The following NHS variants were observed in gnomAD, a reference collection of about 807,000 sequenced individuals.
NHS encodes NHS actin remodeling regulator, also known as actin remodeling regulator NHS.
A neutral mutation model predicts 72.5 loss-of-function variants in NHS; 5 were observed. The observed-to-expected ratio is 0.07, with a 90% CI of 0.04 to 0.14. The LOEUF (loss-of-function observed/expected upper bound fraction) is 0.14. Among genes scored for constraint, NHS ranks in the 10% least tolerant of loss-of-function variants. The probability of loss-of-function intolerance (pLI) is 1.00; values close to 1 mark genes in which losing one functional copy is unlikely to be tolerated. For synonymous variants in NHS, 464 were observed against 547.7 expected, an observed-to-expected ratio of 0.85 and a Z score of 2.13; for missense variants, 1,072 against 1,355.7, an observed-to-expected ratio of 0.79 and a Z score of 3.29.
intron 3 of NHS, among the ~76,000 whole-genome samples, chrX:17,717,763 T>C (rs185111089): frequency 8.9e-6 from 1 of 112,094 alleles, no homozygotes; most frequent in East Asian, 2.8e-4. Flanking sequence ...CACACACTCA[T>C]GAAATTGGCC....
In NHS at chrX:17,521,366, C is replaced by CTTTTTTTTTTTTTTTTTTTTTTTT. The variant is rs766662277; in HGVS notation, c.565+145057_565+145058insTTTTTTTTTTTTTTTTTTTTTTTT. On this transcript the variant is annotated intron_variant, in intron 1 of 8. Coordinates refer to ENST00000676302, the MANE Select transcript of NHS (RefSeq NM_001291867.2). ...AGTTCTACCTTTTTCTCCCTTCCCT[C>CTTTTTTTTTTTTTTTTTTTTTTTT]TTTTTTTTTTTTTGAGACAGGGTCT... is the stretch of plus-strand genomic sequence containing the variant. Among the ~76,000 whole-genome samples the CTTTTTTTTTTTTTTTTTTTTTTTT allele has an allele frequency of 6.4e-4, 62 of 97,332 alleles. 6 individuals are homozygous for CTTTTTTTTTTTTTTTTTTTTTTTT. The highest frequency in any genetic ancestry group is 2.5e-3 in the African/African-American group (58 of 23,145). The allele number at this position is 97,332 out of a possible 115,157, so 84.5% of individuals were successfully genotyped here. A position where few individuals can be genotyped will look rare whatever the true frequency, so the allele number is the denominator to read the frequency against.
intron 1 of NHS, among the ~76,000 whole-genome samples, chrX:17,686,312 G>A (rs1197576139): frequency 9.0e-6 from 1 of 111,588 alleles, no homozygotes; most frequent in African/African-American, 3.3e-5. Context: ...CCCCACACAA[G>A]AATTAAAGAG....
chrX:17,505,873 G>T (rs1002311211), intron 1 of NHS, among the ~76,000 whole-genome samples: 3 of 110,820 alleles, frequency 2.7e-5, no homozygotes, highest in African/African-American at 9.9e-5. Context: ...CTGTAATGGG[G>T]AACTGGGGCC....
chrX:17,564,740 A>G (rs982755568), intron 1 of NHS, among the ~76,000 whole-genome samples: 8 of 112,008 alleles, frequency 7.1e-5, no homozygotes, highest in Admixed American at 3.8e-4. Flanking sequence ...CAGCAATTTC[A>G]TAGATTTAAT....
At chrX:17,635,268 G>C (rs1452783056) in intron 1 of NHS, 1 of 1,029,664 alleles carries the variant, frequency 9.7e-7, no homozygotes, top group Non-Finnish European at 1.2e-6. Flanking sequence ...CTGGAGACAG[G>C]GTGTGTCCAG....
rs200902139 is a variant in NHS at position 17,380,295 on chromosome X, T to C, written c.565+3973T>C. Among the ~76,000 whole-genome samples, 5 of 110,655 alleles carry C rather than the reference T, an allele frequency of 4.5e-5. No individual in the cohort carries two copies. In the East Asian group the frequency reaches 1.1e-3, roughly 25 times the overall value. On this transcript the variant is annotated intron_variant, in intron 1 of 8. Coordinates refer to ENST00000676302, the MANE Select transcript of NHS (RefSeq NM_001291867.2). ...AGTGGCCTTGAGAGGTGCCATTTCA[T>C]TGGAGGGGTGGAGATGAACGCCAAA...
At chrX:17,394,993 CCA>C (rs1430088015) in intron 1 of NHS, among the ~76,000 whole-genome samples, 1 of 110,784 alleles carries the variant, frequency 9.0e-6, no homozygotes, top group Admixed American at 9.7e-5. Flanking sequence ...GGCTTTAAGA[CCA>C]CAGTGTTAAA....
At chrX:17,589,010 G>A (rs576586960) in intron 1 of NHS, among the ~76,000 whole-genome samples, 2 of 111,840 alleles carry the variant, frequency 1.8e-5, no homozygotes, top group African/African-American at 6.5e-5. Flanking sequence ...CTGCAAAATT[G>A]AGATTATAGT....
chrX:17,438,072 T>C (rs1408197966), intron 1 of NHS, among the ~76,000 whole-genome samples: 1 of 112,326 alleles, frequency 8.9e-6, no homozygotes, highest in Non-Finnish European at 1.9e-5. Flanking sequence ...TGCCATCAGG[T>C]ATGCGGGTTT....
intron 1 of NHS, among the ~76,000 whole-genome samples, chrX:17,580,181 GA>G (rs57418330): frequency 0.1 from 10,238 of 98,027 alleles, 1,251 homozygotes; most frequent in African/African-American, 0.34. Flanking sequence ...CCAAATGCCA[GA>G]AAAAAAAAAA....
At chrX:17,569,075 T>A (rs866485150) in intron 1 of NHS, among the ~76,000 whole-genome samples, 1 of 111,817 alleles carries the variant, frequency 8.9e-6, no homozygotes, top group Non-Finnish European at 1.9e-5. Flanking sequence ...TTGATGGAAA[T>A]TTGGGTTGGT....
chrX:17,428,572 G>A (rs866387100), intron 1 of NHS, among the ~76,000 whole-genome samples: 19 of 111,641 alleles, frequency 1.7e-4, no homozygotes, highest in South Asian at 3.8e-4. Context: ...GAAGGCAGCT[G>A]TGAAAAAGGG....
intron 1 of NHS, among the ~76,000 whole-genome samples, chrX:17,465,868 T>A (rs2064868743): frequency 8.9e-6 from 1 of 112,778 alleles, no homozygotes; most frequent in African/African-American, 3.2e-5. Context: ...TGCTGTGTGC[T>A]CACCCAGCGA....
intron 1 of NHS, among the ~76,000 whole-genome samples, chrX:17,403,540 A>G (rs2064512860): frequency 8.9e-6 from 1 of 111,891 alleles, no homozygotes; most frequent in South Asian, 3.8e-4. Context: ...AGTCTCCACC[A>G]GTAATATCTG....
intron 1 of NHS, among the ~76,000 whole-genome samples, chrX:17,483,187 C>T (rs956613388): frequency 7.2e-5 from 8 of 111,850 alleles, no homozygotes; most frequent in East Asian, 5.6e-4. Context: ...TTTCTTAATG[C>T]GTAAAGTATA....
intron 1 of NHS, among the ~76,000 whole-genome samples, chrX:17,470,107 C>T (rs1009332395): frequency 2.7e-5 from 3 of 110,745 alleles, no homozygotes; most frequent in Admixed American, 9.6e-5. Context: ...TTTTACTCAA[C>T]CCTGCAAATC....
intron 1 of NHS, among the ~76,000 whole-genome samples, chrX:17,556,470 TA>T (rs59251679): frequency 0.13 from 15,064 of 112,424 alleles, 2,138 homozygotes; most frequent in African/African-American, 0.43. Flanking sequence ...CAAAGATGAT[TA>T]AAGAAACAAC....
chrX:17,507,014 G>A (rs1338374243), intron 1 of NHS, among the ~76,000 whole-genome samples: 1 of 112,236 alleles, frequency 8.9e-6, no homozygotes, highest in Non-Finnish European at 1.9e-5. Context: ...AGTATAGTTT[G>A]AAATGTCTAC....
At chrX:17,447,318 T>C (rs1011604968) in intron 1 of NHS, among the ~76,000 whole-genome samples, 3 of 112,209 alleles carry the variant, frequency 2.7e-5, no homozygotes, top group Non-Finnish European at 5.6e-5. Flanking sequence ...GATCACAAGA[T>C]TCTAACTCTG....
Sources: gnomAD v4.1 joint callset for allele counts (sites outside exome capture counted in the v4.1 genomes callset) on GRCh38, gnomAD v4.1.1 for gene constraint, MANE v1.5 for transcripts, NCBI Gene and HGNC (gene_info 2026-07-23, HGNC 2026-07-21) for gene names.